NKAIN2: variants seen among roughly 807,000 people sequenced by gnomAD.
NKAIN2 encodes the protein sodium/potassium-transporting ATPase subunit beta-1-interacting protein 2.
NKAIN2 carries 14 observed loss-of-function variants against 32.6 expected under a neutral mutation model. The observed-to-expected ratio is 0.43, with a 90% CI of 0.28 to 0.67. The LOEUF is 0.67. NKAIN2 is among the 30% of genes least tolerant of loss of function. The pLI is 0.17. For synonymous variants in NKAIN2, 80 were observed against 87.2 expected, an observed-to-expected ratio of 0.92 and a Z score of 0.46; for missense variants, 198 against 258.3, an observed-to-expected ratio of 0.77 and a Z score of 1.60.
intron 2 of NKAIN2, among the ~76,000 whole-genome samples, chr6:124,286,826 C>T (rs894043438): frequency 1.3e-5 from 2 of 151,996 alleles, no homozygotes; most frequent in African/African-American, 2.4e-5. Context: ...GGACTACAGG[C>T]GTGTGCCATC....
At chr6:123,979,997 A>T (rs983501211) in intron 1 of NKAIN2, among the ~76,000 whole-genome samples, 5 of 152,184 alleles carry the variant, frequency 3.3e-5, no homozygotes, top group Admixed American at 3.3e-4. Flanking sequence ...GATGATTATG[A>T]TATTAGACAG....
chr6:124,524,927 A>G (rs1380790711), intron 3 of NKAIN2, among the ~76,000 whole-genome samples: 1 of 152,180 alleles, frequency 6.6e-6, no homozygotes, highest in Admixed American at 6.5e-5. Flanking sequence ...TAAAATCCCC[A>G]CGGAAACAAG....
chr6:123,844,313 T>C (rs540410493), intron 1 of NKAIN2, among the ~76,000 whole-genome samples: 130 of 152,290 alleles, frequency 8.5e-4, no homozygotes, highest in Middle Eastern at 3.4e-3. Context: ...AGCTAAAGCA[T>C]AGATTATGAG....
At chr6:124,102,771 T>C (rs1290394056) in intron 1 of NKAIN2, among the ~76,000 whole-genome samples, 1 of 152,208 alleles carries the variant, frequency 6.6e-6, no homozygotes, top group African/African-American at 2.4e-5. Context: ...AAAATGTAAT[T>C]GAGTGTTTAA....
intron 1 of NKAIN2, among the ~76,000 whole-genome samples, chr6:123,923,338 A>C (rs1485030141): frequency 2.0e-5 from 3 of 152,058 alleles, no homozygotes; most frequent in Non-Finnish European, 2.9e-5. Flanking sequence ...TGACATCTGT[A>C]ACTTTTCACT....
chr6:124,212,988 A>G (rs1011032753), intron 1 of NKAIN2, among the ~76,000 whole-genome samples: 1 of 152,114 alleles, frequency 6.6e-6, no homozygotes, highest in Non-Finnish European at 1.5e-5. Context: ...TTCGTTAGAT[A>G]TACTTGCATA....
intron 3 of NKAIN2, among the ~76,000 whole-genome samples, chr6:124,391,639 G>T (rs554414741): frequency 6.6e-6 from 1 of 152,068 alleles, no homozygotes; most frequent in Non-Finnish European, 1.5e-5. Context: ...TGACAACAGA[G>T]TCTAAGGTTA....
chr6:124,424,201 G>A (rs1011502730), intron 3 of NKAIN2, among the ~76,000 whole-genome samples: 10 of 152,044 alleles, frequency 6.6e-5, no homozygotes, highest in African/African-American at 2.4e-4. Context: ...CACAGTGTTA[G>A]CCAGGATGGT....
chr6:124,368,917 G>C (rs904801879), intron 3 of NKAIN2, among the ~76,000 whole-genome samples: 1 of 152,092 alleles, frequency 6.6e-6, no homozygotes, highest in Non-Finnish European at 1.5e-5. Flanking sequence ...TGTTATTTCT[G>C]ATGTGGTCTT....
chr6:123,892,222 A>C (rs1299163919), intron 1 of NKAIN2, among the ~76,000 whole-genome samples: 1 of 152,202 alleles, frequency 6.6e-6, no homozygotes, highest in Non-Finnish European at 1.5e-5. Context: ...GTGCCCTTTA[A>C]CATATGAATC....
At chr6:123,900,102 C>A (rs2114410068) in intron 1 of NKAIN2, among the ~76,000 whole-genome samples, 1 of 152,288 alleles carries the variant, frequency 6.6e-6, no homozygotes, top group Non-Finnish European at 1.5e-5. Flanking sequence ...ACCCGTTGTA[C>A]ACCAAAGCCC....
rs1389074924 is a variant in NKAIN2, at chr6:124,824,679, A to C, written c.*1450A>C. 2.0e-5 allele frequency: 3 copies of C among 152,244 alleles called. No homozygotes were observed. Among genetic ancestry groups the C allele is most frequent in the African/African-American group, 7.2e-5 (3 of 41,468 alleles). 9.4% of individuals were successfully genotyped at this position (152,244 alleles called of 1,614,324 possible). On this transcript the variant is annotated 3_prime_UTR_variant, in exon 7 of 7. Coordinates refer to ENST00000368417, the MANE Select transcript of NKAIN2 (RefSeq NM_001040214.3). ...ATTTTTTCTTGGATACACCTGAGAC[A>C]TTAAACTCAATTTTTTAAAACTAAC...
chr6:124,731,341 G>A (rs1221934422), intron 4 of NKAIN2, among the ~76,000 whole-genome samples: 1 of 151,784 alleles, frequency 6.6e-6, no homozygotes, highest in East Asian at 1.9e-4. Context: ...ACTGGATTAA[G>A]AAAATGTGGC....
intron 1 of NKAIN2, among the ~76,000 whole-genome samples, chr6:124,119,970 G>A (rs930139136): frequency 6.6e-6 from 1 of 151,936 alleles, no homozygotes; most frequent in Non-Finnish European, 1.5e-5. Context: ...TGTTGTTCTT[G>A]TTAGGATCCC....
At chr6:123,821,866 G>A (rs965055747) in intron 1 of NKAIN2, among the ~76,000 whole-genome samples, 2 of 152,208 alleles carry the variant, frequency 1.3e-5, no homozygotes, top group Non-Finnish European at 2.9e-5. Context: ...AGTAAGAGTA[G>A]CAGGGGATGG....
chr6:123,860,104 C>A (rs1177590504), intron 1 of NKAIN2, among the ~76,000 whole-genome samples: 1 of 152,150 alleles, frequency 6.6e-6, no homozygotes, highest in Non-Finnish European at 1.5e-5. Context: ...GGAAGCACTT[C>A]TACTTGAAGC....
chr6:124,277,891 T>A (rs1408209600), intron 1 of NKAIN2, among the ~76,000 whole-genome samples: 1 of 151,760 alleles, frequency 6.6e-6, no homozygotes, highest in African/African-American at 2.4e-5. Flanking sequence ...AAAAAAAAAC[T>A]CTGTTTCATC....
intron 4 of NKAIN2, among the ~76,000 whole-genome samples, chr6:124,741,108 T>C (rs1330445942): frequency 6.6e-6 from 1 of 151,726 alleles, no homozygotes; most frequent in Non-Finnish European, 1.5e-5. Context: ...AGGTGAATAG[T>C]GATTCTTCTC....
At chr6:123,946,626 C>T (rs1037728705) in intron 1 of NKAIN2, among the ~76,000 whole-genome samples, 1 of 152,110 alleles carries the variant, frequency 6.6e-6, no homozygotes, top group Non-Finnish European at 1.5e-5. Flanking sequence ...AGGAGGCAAC[C>T]CTGCTGATTT....
Sources: allele counts gnomAD v4.1 joint callset (sites outside exome capture counted in the v4.1 genomes callset), GRCh38; gene constraint gnomAD v4.1.1; transcripts MANE v1.5; gene names NCBI Gene and HGNC (gene_info 2026-07-23, HGNC 2026-07-21).